The following PIK3R6 variants were observed in gnomAD, a reference collection of about 807,000 sequenced individuals.
PIK3R6 encodes the protein phosphoinositide-3-kinase regulatory subunit 6, also known as phosphoinositide 3-kinase regulatory subunit 6.
In PIK3R6, 91 loss-of-function variants were observed where a neutral mutation model predicts 84.9. The observed-to-expected ratio is 1.07, with a 90% CI of 0.90 to 1.28. PIK3R6 has a LOEUF of 1.28. PIK3R6 is among the 50% of genes most tolerant of loss of function. PIK3R6 has a pLI of 0.00. For synonymous variants in PIK3R6, 416 were observed against 411.4 expected, an observed-to-expected ratio of 1.01 and a Z score of -0.13; for missense variants, 996 against 985.1, an observed-to-expected ratio of 1.01 and a Z score of -0.15.
At chr17:8,815,430 T>G (rs1181540057) in intron 18 of PIK3R6, among the ~76,000 whole-genome samples, 1 of 150,688 alleles carries the variant, frequency 6.6e-6, no homozygotes, top group Non-Finnish European at 1.5e-5. Flanking sequence ...CGCTTGAACC[T>G]GAGAGGCAGA....
At chr17:8,822,920 G>A in intron 15 of PIK3R6, 76 bp downstream of exon 15, 1 of 1,237,786 alleles carries the variant, frequency 8.1e-7, no homozygotes, top group African/African-American at 1.5e-5. Flanking sequence ...GGCATCATCA[G>A]GTGAGAGGTG....
At chr17:8,820,563 G>A (rs1203473136) in intron 17 of PIK3R6, among the ~76,000 whole-genome samples, 1 of 152,186 alleles carries the variant, frequency 6.6e-6, no homozygotes, top group African/African-American at 2.4e-5. Context: ...TAGGTTAAGA[G>A]CTACTGCCAC....
intron 10 of PIK3R6, 42 bp from the exon 11 acceptor site, chr17:8,829,032 G>T (rs978488596): frequency 6.8e-7 from 1 of 1,475,406 alleles, no homozygotes; most frequent in South Asian, 1.4e-5. Flanking sequence ...CGTGAGGCTG[G>T]CAGGGCTACG....
intron 2 of PIK3R6, among the ~76,000 whole-genome samples, chr17:8,848,936 G>T (rs964486009): frequency 2.0e-5 from 3 of 152,192 alleles, no homozygotes; most frequent in Non-Finnish European, 4.4e-5. Flanking sequence ...CCTTCCCCAG[G>T]AGATGGATCT....
rs181923523 is a variant in PIK3R6 at position 8,847,654 on chromosome 17, A to T, written c.13+2128T>A. Reference sequence around the variant, plus strand: ...CGTCTCTACTAAAAATACAAAAAAAATAGCCGGACATGGTGGTGCATGCCT... The same window carrying T: ...CGTCTCTACTAAAAATACAAAAAAATTAGCCGGACATGGTGGTGCATGCCT... On this transcript the variant is annotated intron_variant, in intron 2 of 19. Coordinates refer to ENST00000619866, the MANE Select transcript of PIK3R6 (RefSeq NM_001010855.4). 1.3e-3 allele frequency among the ~76,000 whole-genome samples: 198 copies of T among 152,168 alleles called. 1 individual carries two copies. In the East Asian group the frequency reaches 0.028, roughly 21 times the overall value.
chr17:8,836,138 C>T (rs908820607), intron 7 of PIK3R6, among the ~76,000 whole-genome samples: 1 of 152,200 alleles, frequency 6.6e-6, no homozygotes, highest in African/African-American at 2.4e-5. Context: ...AGCCCTCTGG[C>T]TTCATTGTGC....
In PIK3R6 at chr17:8,849,598, G is replaced by A. The variant is rs75781020; in HGVS notation, c.13+184C>T. ...GTCCAGCGAGCAGTTGGAGCCTTGT[G>A]CAAGTGTGTAGATGTCCAACTCTCA... On this transcript the variant is annotated intron_variant, in intron 2 of 19. Coordinates refer to ENST00000619866, the MANE Select transcript of PIK3R6 (RefSeq NM_001010855.4). Among the ~76,000 whole-genome samples the A allele has an allele frequency of 7.4e-3, 1,128 of 152,340 alleles. 8 individuals carry two copies. Among genetic ancestry groups the A allele is most frequent in the Non-Finnish European group, 0.011 (753 of 68,036 alleles).
chr17:8,814,215 C>CTTTTTTTTTTTTTTTTTTTTTTT lies in PIK3R6; in HGVS notation c.1995+4867_1995+4868insAAAAAAAAAAAAAAAAAAAAAAA, dbSNP rs112750429. Among the ~76,000 whole-genome samples the CTTTTTTTTTTTTTTTTTTTTTTT allele has an allele frequency of 8.2e-5, 7 of 85,520 alleles. 2 individuals are homozygous for CTTTTTTTTTTTTTTTTTTTTTTT. The highest frequency in any genetic ancestry group is 2.9e-4 in the African/African-American group (6 of 20,576). 56.1% of individuals were successfully genotyped at this position (85,520 alleles called of 152,430 possible). On this transcript the variant is annotated intron_variant, in intron 18 of 19. Transcript: ENST00000619866. ...TCCACTCTTTAGTTCAGAGAGAGAT[C>CTTTTTTTTTTTTTTTTTTTTTTT]TTTTTTTTTTTTTTTTTTTTTTGAG... is the stretch of plus-strand genomic sequence containing the variant.
chr17:8,853,647 T>C (rs2089042038), intron 1 of PIK3R6, among the ~76,000 whole-genome samples: 2 of 151,980 alleles, frequency 1.3e-5, no homozygotes, highest in East Asian at 3.9e-4. Flanking sequence ...TGTTCATTGT[T>C]TGGAAGACCC....
At position 8,844,068 on chromosome 17, in the gene PIK3R6, G is replaced by T. The variant is rs1188916266; in HGVS notation, c.14-4371C>A. ...TCCAGGGAATGAGGAAAATCAGACCGGCTGGGACAAAGCTTACCAGTGGCG... is the reference window on the plus strand; with the variant it reads ...TCCAGGGAATGAGGAAAATCAGACCTGCTGGGACAAAGCTTACCAGTGGCG... On this transcript the variant is annotated intron_variant, in intron 2 of 19. Transcript: ENST00000619866. The surrounding 1 kb of genome is among the most constrained non-coding windows in gnomAD (Gnocchi z 4.5). Among the ~76,000 whole-genome samples the T allele has an allele frequency of 6.6e-6, 1 of 152,204 alleles. No homozygotes were observed. The highest frequency in any genetic ancestry group is 1.9e-4 in the East Asian group (1 of 5,198).
chr17:8,857,263 C>T (rs1018589263), intron 1 of PIK3R6, among the ~76,000 whole-genome samples: 3 of 152,140 alleles, frequency 2.0e-5, no homozygotes, highest in African/African-American at 7.2e-5. Context: ...GGGCAGCAGC[C>T]ACTCAGTGGA....
Position 8,828,713 on chromosome 17 carries a change from C to A in PIK3R6, c.1167G>T (p.Gly389=). 1 of 1,609,828 alleles carries A rather than the reference C, an allele frequency of 6.2e-7. No individual in the cohort carries two copies. Among genetic ancestry groups the A allele is most frequent in the Non-Finnish European group, 8.5e-7 (1 of 1,178,168 alleles). Residue 389 remains glycine (G), a synonymous_variant, in exon 11 of 20, where the codon GGG becomes GGT. Coordinates refer to ENST00000619866, the MANE Select transcript of PIK3R6 (RefSeq NM_001010855.4). ...CTGTCCTCCGGTGCAGCCCTGGGGG[C>A]CCGTCCCAGCTGCCAGGCATCAAGA... ...LDFLMPGSWD[G]PPGLHRRTGR...
At chr17:8,837,635 A>G (rs954912389) in intron 5 of PIK3R6, among the ~76,000 whole-genome samples, 168 bp downstream of exon 5, 22 of 151,836 alleles carry the variant, frequency 1.4e-4, no homozygotes, top group Admixed American at 1.4e-3. Context: ...CTCTCTCCAT[A>G]TGGGAGGGAA....
chr17:8,804,314 G>C (rs966992409), intron 18 of PIK3R6, among the ~76,000 whole-genome samples, 161 bp from the exon 19 acceptor site: 1 of 152,180 alleles, frequency 6.6e-6, no homozygotes, highest in Non-Finnish European at 1.5e-5. Flanking sequence ...TGCACAAACT[G>C]CTTCTAGGCT....
chr17:8,834,046 C>T (rs988153547), intron 8 of PIK3R6, among the ~76,000 whole-genome samples: 11 of 150,866 alleles, frequency 7.3e-5, no homozygotes, highest in African/African-American at 2.7e-4. Flanking sequence ...GTCCCAGCTA[C>T]TCAGAGAGGC....
intron 11 of PIK3R6, 59 bp from the exon 12 acceptor site, chr17:8,828,249 C>T (rs938464559): frequency 4.5e-5 from 69 of 1,529,954 alleles, no homozygotes; most frequent in Non-Finnish European, 5.5e-5. Flanking sequence ...CAAACAGACT[C>T]GGCTCTGCTA....
rs114153277 is a variant in PIK3R6, at chr17:8,864,059, G to A, written c.-92+3470C>T. 7.2e-4 allele frequency among the ~76,000 whole-genome samples: 110 copies of A among 152,314 alleles called. 1 individual carries two copies. The highest frequency in any genetic ancestry group is 2.6e-3 in the African/African-American group (108 of 41,572). Reference sequence around the variant, plus strand: ...AGATGTTGGGAGACAATTCTCCATAGGTTTCTGTTTGTGCATGCCTGGTGA... The same window carrying A: ...AGATGTTGGGAGACAATTCTCCATAAGTTTCTGTTTGTGCATGCCTGGTGA... On this transcript the variant is annotated intron_variant, in intron 1 of 19. Coordinates refer to ENST00000619866, the MANE Select transcript of PIK3R6 (RefSeq NM_001010855.4).
At chr17:8,835,574 G>C in intron 7 of PIK3R6, 118 bp from the exon 8 acceptor site, 1 of 896,402 alleles carries the variant, frequency 1.1e-6, no homozygotes. Flanking sequence ...CTGCTAAAAA[G>C]AGGAGTCTCA....
chr17:8,864,282 T>C (rs1269543678), intron 1 of PIK3R6, among the ~76,000 whole-genome samples: 1 of 152,126 alleles, frequency 6.6e-6, no homozygotes, highest in Non-Finnish European at 1.5e-5. Flanking sequence ...TCCTGGGCTA[T>C]GATGCAACAG....
Sources: allele counts gnomAD v4.1 joint callset (sites outside exome capture counted in the v4.1 genomes callset), GRCh38; gene constraint gnomAD v4.1.1; non-coding constraint Gnocchi (gnomAD v3.1); transcripts MANE v1.5; gene names NCBI Gene and HGNC (gene_info 2026-07-23, HGNC 2026-07-21).